The following KIAA1549L variants were observed in gnomAD, a reference collection of about 807,000 sequenced individuals.
KIAA1549L encodes UPF0606 protein KIAA1549L.
KIAA1549L carries 88 observed loss-of-function variants against 160.7 expected under a neutral mutation model. The observed-to-expected ratio is 0.55, with a 90% confidence interval of 0.46 to 0.65. KIAA1549L has a LOEUF of 0.65. KIAA1549L is among the 30% of genes least tolerant of loss of function. The pLI, the probability that KIAA1549L is intolerant of heterozygous loss-of-function variation, is 0.00. For synonymous variants in KIAA1549L, 950 were observed against 976.7 expected (o/e 0.97, Z 0.51); for missense variants, 2,258 against 2,437.5 (o/e 0.93, Z 1.55).
In KIAA1549L at chr11:33,671,755, TC is replaced by T. The variant is rs1160946367; in HGVS notation, c.*3602del. 6.6e-6 allele frequency: 1 copy of T among 152,218 alleles called. No individual in the cohort carries two copies. The highest frequency in any genetic ancestry group is 6.5e-5 in the Admixed American group (1 of 15,294). The allele number at this position is 152,218 out of a possible 1,614,324, so 9.4% of individuals were successfully genotyped here. A position where few individuals can be genotyped will look rare whatever the true frequency, so the allele number is the denominator to read the frequency against. On this transcript the variant is annotated 3_prime_UTR_variant, in exon 21 of 21. Coordinates refer to ENST00000658780, the MANE Select transcript of KIAA1549L (RefSeq NM_012194.3). ...TACATATAAACGAGTTTCCTTTTTT[TC>T]TACATAGCACACAGGTGCTCAACAT...
At chr11:33,387,279 G>A (rs1850191799) in intron 1 of KIAA1549L, among the ~76,000 whole-genome samples, 1 of 151,976 alleles carries the variant, frequency 6.6e-6, no homozygotes, top group Non-Finnish European at 1.5e-5. Context: ...GGTACCTCTA[G>A]TTCATTTTCT....
At chr11:33,596,118 T>A (rs1245877503) in intron 12 of KIAA1549L, among the ~76,000 whole-genome samples, 1 of 152,214 alleles carries the variant, frequency 6.6e-6, no homozygotes, top group Non-Finnish European at 1.5e-5. Flanking sequence ...CCCAGCTCCA[T>A]GTCCTCAGAA....
At chr11:33,591,927 C>T (rs546747572) in intron 12 of KIAA1549L, among the ~76,000 whole-genome samples, 2 of 152,066 alleles carry the variant, frequency 1.3e-5, no homozygotes, top group Non-Finnish European at 1.5e-5. Flanking sequence ...ACTGGAATAC[C>T]GAGGATGAGG....
chr11:33,650,923 T>C (rs1216209881), intron 17 of KIAA1549L, among the ~76,000 whole-genome samples: 1 of 152,174 alleles, frequency 6.6e-6, no homozygotes, highest in Non-Finnish European at 1.5e-5. Context: ...ACAGGTTCCT[T>C]GTCTTTCAGA....
At chr11:33,445,446 G>T (rs1851591136) in intron 1 of KIAA1549L, among the ~76,000 whole-genome samples, 1 of 152,332 alleles carries the variant, frequency 6.6e-6, no homozygotes. Flanking sequence ...GAAATAATTT[G>T]TGTCGGTTAT....
Position 33,543,472 on chromosome 11 carries a change from AC to A in KIAA1549L, c.1910del (p.Thr637MetfsTer33). 1 of 1,613,928 alleles carries A rather than the reference AC, an allele frequency of 6.2e-7. No individual in the cohort carries two copies. Among genetic ancestry groups the A allele is most frequent in the Non-Finnish European group, 8.5e-7 (1 of 1,179,888 alleles). Reference protein sequence around the residue: ...PSILSIQATQTVFPSLGFSST... With the variant: ...PSILSIQATQXVFPSLGFSST... Reference sequence around the variant, plus strand: ...CATACTCTCCATACAAGCCACCCAGACTGTTTTCCCATCTCTTGGCTTTTCC... The same window carrying A: ...CATACTCTCCATACAAGCCACCCAGATGTTTTCCCATCTCTTGGCTTTTCC... On this transcript the variant is annotated frameshift_variant, in exon 2 of 21. Transcript: ENST00000658780. LOFTEE classifies it high-confidence loss of function.
intron 1 of KIAA1549L, among the ~76,000 whole-genome samples, chr11:33,411,375 T>C (rs1850781603): frequency 6.6e-6 from 1 of 152,152 alleles, no homozygotes; most frequent in Non-Finnish European, 1.5e-5. Context: ...CTGAGACAAC[T>C]GAAGCTGATC....
rs190397657 is a variant in KIAA1549L at position 33,479,852 on chromosome 11, A to G, written c.239-61950A>G. Among the ~76,000 whole-genome samples, 202 of 152,318 alleles carry G rather than the reference A, an allele frequency of 1.3e-3. 1 individual carries two copies. Among genetic ancestry groups the G allele is most frequent in the African/African-American group, 4.7e-3 (195 of 41,556 alleles). Reference sequence around the variant, plus strand: ...AAAGGCAGGACTCTCAGGACCAAGCAAGGTAGCAGAAGAGAGGCTCAGAGC... The same window carrying G: ...AAAGGCAGGACTCTCAGGACCAAGCGAGGTAGCAGAAGAGAGGCTCAGAGC... On this transcript the variant is annotated intron_variant, in intron 1 of 20. Transcript: ENST00000658780.
intron 11 of KIAA1549L, among the ~76,000 whole-genome samples, 185 bp from the exon 12 acceptor site, chr11:33,591,052 A>G (rs539683478): frequency 1.4e-4 from 21 of 152,346 alleles, no homozygotes; most frequent in African/African-American, 5.0e-4. Context: ...CTGTAGCTGG[A>G]TGGAATTAAC....
chr11:33,382,495 T>A (rs1850091966), intron 1 of KIAA1549L, among the ~76,000 whole-genome samples: 1 of 152,096 alleles, frequency 6.6e-6, no homozygotes, highest in Non-Finnish European at 1.5e-5. Flanking sequence ...TATGAAGTTT[T>A]TTCTCTAGAG....
chr11:33,617,955 A>C (rs1358495535), intron 15 of KIAA1549L, among the ~76,000 whole-genome samples: 1 of 152,054 alleles, frequency 6.6e-6, no homozygotes, highest in Non-Finnish European at 1.5e-5. Flanking sequence ...GGGTGGGTGG[A>C]TGTGAGGGTG....
At chr11:33,597,016 C>T (rs187217291) in intron 12 of KIAA1549L, among the ~76,000 whole-genome samples, 10 of 152,282 alleles carry the variant, frequency 6.6e-5, no homozygotes, top group Admixed American at 5.9e-4. Context: ...TTTTCACAGA[C>T]TACATTCTTT....
intron 20 of KIAA1549L, among the ~76,000 whole-genome samples, chr11:33,662,877 A>G (rs1292973890): frequency 6.6e-6 from 1 of 152,178 alleles, no homozygotes; most frequent in African/African-American, 2.4e-5. Flanking sequence ...TCCTGCCATG[A>G]TGACTGTACT....
intron 1 of KIAA1549L, among the ~76,000 whole-genome samples, chr11:33,408,510 T>TATATATATATATATATATATATATAC (rs58439063): frequency 4.8e-5 from 7 of 146,096 alleles, no homozygotes; most frequent in African/African-American, 1.8e-4. Context: ...TATATATATA[T>TATATATATATATATATATATATATAC]ACACATGTAT....
chr11:33,594,779 G>A (rs1370904654), intron 12 of KIAA1549L, among the ~76,000 whole-genome samples: 3 of 152,248 alleles, frequency 2.0e-5, no homozygotes, highest in South Asian at 4.1e-4. Context: ...CTGCAATCAC[G>A]CACCCAACAT....
intron 1 of KIAA1549L, among the ~76,000 whole-genome samples, chr11:33,378,036 T>G (rs1408353505): frequency 6.6e-6 from 1 of 152,192 alleles, no homozygotes; most frequent in South Asian, 2.1e-4. Context: ...GCCTCAGACT[T>G]GAGAAAAACC....
Position 33,435,818 on chromosome 11 carries a change from G to GTGTGTGTGTATA in KIAA1549L, c.238+58930_238+58931insGTGTGTGTATAT, listed in dbSNP as rs1554976830. On this transcript the variant is annotated intron_variant, in intron 1 of 20. Transcript: ENST00000658780. ...TATATATATATATATATATGTGTGT[G>GTGTGTGTGTATA]TATATATATATATGTATATGTATAT... 1.6e-3 allele frequency among the ~76,000 whole-genome samples: 73 copies of GTGTGTGTGTATA among 45,308 alleles called. 1 individual carries two copies. Among genetic ancestry groups the GTGTGTGTGTATA allele is most frequent in the South Asian group, 2.8e-3 (3 of 1,082 alleles). 29.7% of individuals were successfully genotyped at this position (45,308 alleles called of 152,430 possible).
chr11:33,471,781 C>A (rs1411389244), intron 1 of KIAA1549L, among the ~76,000 whole-genome samples: 2 of 152,180 alleles, frequency 1.3e-5, no homozygotes, highest in East Asian at 3.9e-4. Flanking sequence ...CAGGTAGGTG[C>A]AGATCTGGCA....
At chr11:33,646,741 C>T (rs1851734847) in intron 17 of KIAA1549L, among the ~76,000 whole-genome samples, 1 of 152,164 alleles carries the variant, frequency 6.6e-6, no homozygotes, top group African/African-American at 2.4e-5. Context: ...CCACACTCGT[C>T]ATTGATTTTT....
Sources: allele counts gnomAD v4.1 joint callset (sites outside exome capture counted in the v4.1 genomes callset), GRCh38; gene constraint gnomAD v4.1.1; transcripts MANE v1.5; gene names NCBI Gene and HGNC (gene_info 2026-07-23, HGNC 2026-07-21).